Variants in ARHGAP24 observed in about 807,000 individuals in gnomAD.
ARHGAP24 encodes the protein Rho GTPase activating protein 24.
ARHGAP24 carries 50 observed loss-of-function variants against 76.4 expected under a neutral mutation model. The observed-to-expected ratio is 0.65, with a 90% confidence interval of 0.52 to 0.83. The LOEUF (loss-of-function observed/expected upper bound fraction) is 0.83, where lower values mean the gene tolerates loss of function less well. ARHGAP24 is among the 40% of genes least tolerant of loss of function. ARHGAP24 has a pLI of 0.00. For missense variants in ARHGAP24, 930 were observed against 914.2 expected (o/e 1.02, Z -0.22); for synonymous variants, 345 against 323.3 (o/e 1.07, Z -0.72).
chr4:85,748,303 G>T (rs1010512247), intron 3 of ARHGAP24, among the ~76,000 whole-genome samples: 1 of 152,198 alleles, frequency 6.6e-6, no homozygotes, highest in Non-Finnish European at 1.5e-5. Context: ...TTACTCTGAG[G>T]TCCAGTAGAA....
chr4:85,952,773 A>G (rs916643417), intron 5 of ARHGAP24, among the ~76,000 whole-genome samples: 32 of 152,204 alleles, frequency 2.1e-4, no homozygotes, highest in Non-Finnish European at 5.9e-5. Context: ...GGGCGTTCTC[A>G]TTGACCTGAA....
rs190311691 is a variant in ARHGAP24, at chr4:85,570,171, A to G, written c.-20-351A>G. ...CAGGAGGGCACAACAAGCTCTCTCC[A>G]CGTTTCCTCTGGGCATATTGTTGCC... On this transcript the variant is annotated intron_variant, in intron 1 of 9. Coordinates refer to ENST00000395184, the MANE Select transcript of ARHGAP24 (RefSeq NM_001025616.3). Among the ~76,000 whole-genome samples, 3 of 152,304 alleles carry G rather than the reference A, an allele frequency of 2.0e-5. 1 individual carries two copies. In the East Asian group the frequency reaches 5.8e-4, roughly 29 times the overall value.
chr4:85,987,923 G>A (rs1740099567), intron 8 of ARHGAP24, among the ~76,000 whole-genome samples: 1 of 151,852 alleles, frequency 6.6e-6, no homozygotes, highest in Non-Finnish European at 1.5e-5. Flanking sequence ...AGAGCAGACT[G>A]AGGAACAAAG....
chr4:85,995,902 A>G (rs143717528), intron 9 of ARHGAP24, among the ~76,000 whole-genome samples: 52 of 152,282 alleles, frequency 3.4e-4, no homozygotes, highest in African/African-American at 1.2e-3. Context: ...GTGATTGAAC[A>G]TTTCCCTGGT....
chr4:85,565,463 G>A (rs183751242), intron 1 of ARHGAP24, among the ~76,000 whole-genome samples: 2 of 152,274 alleles, frequency 1.3e-5, no homozygotes, highest in Admixed American at 1.3e-4. Flanking sequence ...GGGACATGAG[G>A]TAGGAAATCA....
At chr4:85,639,256 T>C (rs2109968969) in intron 2 of ARHGAP24, among the ~76,000 whole-genome samples, 1 of 152,158 alleles carries the variant, frequency 6.6e-6, no homozygotes, top group East Asian at 1.9e-4. Context: ...TACTAATAGT[T>C]CAGTGTTATT....
At chr4:85,975,030 G>C (rs1268858883) in intron 7 of ARHGAP24, 69 bp downstream of exon 7, 3 of 1,400,966 alleles carry the variant, frequency 2.1e-6, no homozygotes, top group Non-Finnish European at 3.0e-6. Flanking sequence ...ATTTGTGTTT[G>C]ACAACGAATA....
chr4:85,575,648 G>A (rs1468202713), intron 2 of ARHGAP24, among the ~76,000 whole-genome samples: 2 of 152,142 alleles, frequency 1.3e-5, no homozygotes, highest in African/African-American at 4.8e-5. Flanking sequence ...CATGGGGGGA[G>A]CAGCCAAGTC....
At chr4:85,799,043 A>G (rs1192786211) in intron 3 of ARHGAP24, among the ~76,000 whole-genome samples, 1 of 152,230 alleles carries the variant, frequency 6.6e-6, no homozygotes, top group Admixed American at 6.5e-5. Flanking sequence ...AGATATTAAC[A>G]TGGAATAATT....
In ARHGAP24 at chr4:85,939,176, G is replaced by A. The variant is rs183087251; in HGVS notation, c.392-2890G>A. Among the ~76,000 whole-genome samples, 1,139 of 152,278 alleles carry A rather than the reference G, an allele frequency of 7.5e-3. 8 individuals carry two copies. Among genetic ancestry groups the A allele is most frequent in the South Asian group, 0.039 (188 of 4,832 alleles). On this transcript the variant is annotated intron_variant, in intron 4 of 9. Coordinates refer to ENST00000395184, the MANE Select transcript of ARHGAP24 (RefSeq NM_001025616.3). ...ATGAGTTTTAAATGTGAGAAATGCA[G>A]GTAAACTGCCTGTAACATGCCTGGC...
chr4:85,790,620 T>C (rs1458557104), intron 3 of ARHGAP24, among the ~76,000 whole-genome samples: 2 of 152,186 alleles, frequency 1.3e-5, no homozygotes, highest in Non-Finnish European at 2.9e-5. Context: ...AGACAGACTC[T>C]TGGTAGGAGT....
intron 1 of ARHGAP24, among the ~76,000 whole-genome samples, chr4:85,499,581 T>A (rs1040070246): frequency 1.3e-5 from 2 of 152,228 alleles, no homozygotes; most frequent in African/African-American, 4.8e-5. Flanking sequence ...TTACCTAGCC[T>A]GCAGCCTTGG....
At chr4:85,504,016 G>T (rs1393938218) in intron 1 of ARHGAP24, among the ~76,000 whole-genome samples, 1 of 152,204 alleles carries the variant, frequency 6.6e-6, no homozygotes, top group Non-Finnish European at 1.5e-5. Flanking sequence ...TTTCCATGTA[G>T]TTGTGTGGTT....
chr4:85,573,892 T>G (rs750508684), intron 2 of ARHGAP24, among the ~76,000 whole-genome samples: 33 of 152,206 alleles, frequency 2.2e-4, no homozygotes, highest in Non-Finnish European at 4.1e-4. Flanking sequence ...TTCCTTTACC[T>G]TTGCTTTTAG....
intron 1 of ARHGAP24, among the ~76,000 whole-genome samples, chr4:85,480,136 A>G (rs1722752360): frequency 6.6e-6 from 1 of 152,144 alleles, no homozygotes; most frequent in Non-Finnish European, 1.5e-5. Context: ...ATGCTTTAAT[A>G]TGATACCCCC....
chr4:85,502,384 C>T (rs568310035), intron 1 of ARHGAP24, among the ~76,000 whole-genome samples: 13 of 152,016 alleles, frequency 8.6e-5, no homozygotes, highest in Non-Finnish European at 1.8e-4. Context: ...TTGTTTGTGT[C>T]CTCTTTTATT....
At chr4:85,525,255 G>A (rs73832785) in intron 1 of ARHGAP24, among the ~76,000 whole-genome samples, 7,915 of 133,856 alleles carry the variant, frequency 0.059, 740 homozygotes, top group African/African-American at 0.21. Flanking sequence ...ATGTATTATC[G>A]GCTTTTTTTT....
At chr4:85,801,637 T>C (rs1273611662) in intron 3 of ARHGAP24, among the ~76,000 whole-genome samples, 1 of 152,256 alleles carries the variant, frequency 6.6e-6, no homozygotes, top group Non-Finnish European at 1.5e-5. Flanking sequence ...CTCTGTACTT[T>C]AGAAATCATA....
At chr4:85,999,687 G>A (rs1227283870) in intron 9 of ARHGAP24, among the ~76,000 whole-genome samples, 3 of 152,136 alleles carry the variant, frequency 2.0e-5, no homozygotes, top group African/African-American at 7.2e-5. Context: ...ATATGTATAT[G>A]ATTTGGATCT....
Sources: allele counts gnomAD v4.1 joint callset (sites outside exome capture counted in the v4.1 genomes callset), GRCh38; gene constraint gnomAD v4.1.1; transcripts MANE v1.5; gene names NCBI Gene and HGNC (gene_info 2026-07-23, HGNC 2026-07-21).